GMDS: variants seen among roughly 807,000 people sequenced by gnomAD.
GMDS encodes the protein GDP-mannose 4,6-dehydratase, also known as GDP-mannose 4,6 dehydratase.
Under a neutral mutation model 49.9 loss-of-function variants are expected in GMDS, and 20 were observed. The observed-to-expected ratio is 0.40, with a 90% CI of 0.28 to 0.58. GMDS has a LOEUF of 0.58. Among genes scored for constraint, GMDS ranks in the 20% least tolerant of loss-of-function variants. The pLI is 0.42. For synonymous variants in GMDS, 177 were observed against 178.6 expected, an observed-to-expected ratio of 0.99 and a Z score of 0.07; for missense variants, 362 against 481.4, an observed-to-expected ratio of 0.75 and a Z score of 2.32.
At chr6:1,748,101 T>C (rs913317058) in intron 7 of GMDS, among the ~76,000 whole-genome samples, 7 of 152,168 alleles carry the variant, frequency 4.6e-5, no homozygotes, top group African/African-American at 9.7e-5. Context: ...TTTTGCCCTT[T>C]ATCTTTTAAC....
chr6:2,199,498 C>T (rs1285623265), intron 1 of GMDS, among the ~76,000 whole-genome samples: 1 of 152,152 alleles, frequency 6.6e-6, no homozygotes. Context: ...TCTCTGTCCT[C>T]GCTGCTCTCC....
chr6:2,162,758 T>C (rs1396521258), intron 1 of GMDS, among the ~76,000 whole-genome samples: 1 of 145,454 alleles, frequency 6.9e-6, no homozygotes, highest in Non-Finnish European at 1.5e-5. Context: ...GTGAGACCCA[T>C]GAGATAAGTA....
intron 1 of GMDS, among the ~76,000 whole-genome samples, chr6:2,235,623 C>G (rs1036620160): frequency 6.6e-6 from 1 of 150,536 alleles, no homozygotes; most frequent in African/African-American, 2.5e-5. Flanking sequence ...CTGAGCAGCA[C>G]GGCAAGACCC....
intron 9 of GMDS, among the ~76,000 whole-genome samples, chr6:1,666,438 C>T (rs1304716827): frequency 6.6e-6 from 1 of 152,190 alleles, no homozygotes; most frequent in Non-Finnish European, 1.5e-5. Flanking sequence ...TCTACCCTCT[C>T]AGCCTAGTTA....
chr6:1,633,183 T>C (rs1763046973), intron 9 of GMDS, among the ~76,000 whole-genome samples: 1 of 152,208 alleles, frequency 6.6e-6, no homozygotes, highest in Non-Finnish European at 1.5e-5. Flanking sequence ...TGGATGAAGA[T>C]GTAATATTTT....
intron 6 of GMDS, 132 bp from the exon 7 acceptor site, chr6:1,930,362 A>G (rs956195458): frequency 1.4e-4 from 83 of 608,892 alleles, no homozygotes; most frequent in Non-Finnish European, 8.4e-6. Flanking sequence ...TTAAAACAAT[A>G]AAAGAAAAGA....
At chr6:1,751,592 C>T (rs746733479) in intron 7 of GMDS, among the ~76,000 whole-genome samples, 1 of 152,228 alleles carries the variant, frequency 6.6e-6, no homozygotes, top group African/African-American at 2.4e-5. Context: ...CTCCCAAGTT[C>T]AAGCGATTCT....
intron 4 of GMDS, among the ~76,000 whole-genome samples, chr6:1,992,083 C>G (rs1272160397): frequency 6.6e-6 from 1 of 152,236 alleles, no homozygotes; most frequent in African/African-American, 2.4e-5. Flanking sequence ...AATGGTGAGA[C>G]AATAAATGCC....
At chr6:1,804,628 T>C (rs983485590) in intron 7 of GMDS, among the ~76,000 whole-genome samples, 4 of 152,236 alleles carry the variant, frequency 2.6e-5, no homozygotes, top group African/African-American at 9.6e-5. Flanking sequence ...TTTAAAATTA[T>C]AGAACTTCAT....
chr6:1,685,961 A>C (rs1764962216), intron 9 of GMDS, among the ~76,000 whole-genome samples: 1 of 152,140 alleles, frequency 6.6e-6, no homozygotes, highest in Non-Finnish European at 1.5e-5. Context: ...CCGAATCTTA[A>C]TTTCTCTCTA....
intron 1 of GMDS, among the ~76,000 whole-genome samples, chr6:2,160,636 G>A (rs1777349538): frequency 6.6e-6 from 1 of 152,134 alleles, no homozygotes; most frequent in African/African-American, 2.4e-5. Context: ...CAACCACCAG[G>A]TAGTTCCAGC....
At chr6:2,048,099 C>T (rs536761908) in intron 4 of GMDS, among the ~76,000 whole-genome samples, 1 of 152,300 alleles carries the variant, frequency 6.6e-6, no homozygotes, top group South Asian at 2.1e-4. Flanking sequence ...TTCTCACGTG[C>T]TAACAGTCTC....
intron 9 of GMDS, among the ~76,000 whole-genome samples, chr6:1,632,973 A>G (rs919255816): frequency 1.3e-5 from 2 of 152,240 alleles, no homozygotes; most frequent in East Asian, 3.8e-4. Flanking sequence ...CTCTTTCTTA[A>G]TAACTCTGAG....
chr6:2,201,633 C>T (rs1451460993), intron 1 of GMDS, among the ~76,000 whole-genome samples: 1 of 128,900 alleles, frequency 7.8e-6, no homozygotes, highest in Non-Finnish European at 1.7e-5. Flanking sequence ...CGAGATGAAA[C>T]CATCTAGGCA....
At chr6:2,046,052 T>A (rs1309510854) in intron 4 of GMDS, among the ~76,000 whole-genome samples, 1 of 151,954 alleles carries the variant, frequency 6.6e-6, no homozygotes, top group Non-Finnish European at 1.5e-5. Context: ...TCTACAAAAA[T>A]GTAAAAACAA....
chr6:1,754,400 C>G (rs6596853), intron 7 of GMDS, among the ~76,000 whole-genome samples: 64,074 of 151,858 alleles, frequency 0.42, 14,113 homozygotes, highest in East Asian at 0.65. Flanking sequence ...TACCTATCAA[C>G]CAAAAAAGTC....
chr6:2,079,994 T>G (rs777433849), intron 4 of GMDS, among the ~76,000 whole-genome samples: 2 of 152,154 alleles, frequency 1.3e-5, no homozygotes, highest in Non-Finnish European at 1.5e-5. Context: ...CTTCAATTAT[T>G]CTTTTTTATT....
chr6:2,136,383 T>G (rs910758362), intron 1 of GMDS, among the ~76,000 whole-genome samples: 3 of 152,308 alleles, frequency 2.0e-5, no homozygotes, highest in South Asian at 2.1e-4. Context: ...CCTTTAATTT[T>G]CACAAGTACA....
At chr6:1,793,284 G>A (rs1404025208) in intron 7 of GMDS, among the ~76,000 whole-genome samples, 2 of 152,146 alleles carry the variant, frequency 1.3e-5, no homozygotes, top group African/African-American at 4.8e-5. Flanking sequence ...ACTCCAGGAC[G>A]GCTTTAGGAG....
Sources: gnomAD v4.1 joint callset for allele counts (sites outside exome capture counted in the v4.1 genomes callset) on GRCh38, gnomAD v4.1.1 for gene constraint, MANE v1.5 for transcripts, NCBI Gene and HGNC (gene_info 2026-07-23, HGNC 2026-07-21) for gene names.